DLC1: variants seen among roughly 807,000 people sequenced by gnomAD.
DLC1 encodes DLC1 Rho GTPase activating protein, also known as rho GTPase-activating protein 7.
Under a neutral mutation model 140.3 loss-of-function variants are expected in DLC1, and 54 were observed. The observed-to-expected ratio is 0.38, with a 90% CI of 0.31 to 0.48. The LOEUF is 0.48. DLC1 is among the 20% of genes least tolerant of loss of function. DLC1 has a pLI of 0.96. For missense variants in DLC1, 2,536 were observed against 1,907.0 expected, an observed-to-expected ratio of 1.33 and a Z score of -6.14; for synonymous variants, 986 against 728.1, an observed-to-expected ratio of 1.35 and a Z score of -5.70.
chr8:13,120,171 C>T (rs1176652701), intron 5 of DLC1, among the ~76,000 whole-genome samples: 6 of 150,602 alleles, frequency 4.0e-5, no homozygotes, highest in South Asian at 2.1e-4. Flanking sequence ...GGTGAAACCC[C>T]GTCCCTACTA....
chr8:13,225,904 C>T (rs976215135), intron 5 of DLC1, among the ~76,000 whole-genome samples: 33 of 152,150 alleles, frequency 2.2e-4, no homozygotes, highest in African/African-American at 7.5e-4. Context: ...CGTGAGCCAC[C>T]GCGCCTGGCC....
At chr8:13,594,772 T>C (rs1200587032) in intron 1 of DLC1, among the ~76,000 whole-genome samples, 1 of 152,050 alleles carries the variant, frequency 6.6e-6, no homozygotes, top group Non-Finnish European at 1.5e-5. Context: ...ATTTACAATA[T>C]GGAGATTGTT....
intron 12 of DLC1, 75 bp from the exon 13 acceptor site, chr8:13,092,900 A>G: frequency 6.7e-7 from 1 of 1,493,512 alleles, no homozygotes; most frequent in Non-Finnish European, 9.1e-7. Flanking sequence ...CCCAGAGCAA[A>G]TATCGGCATC....
intron 2 of DLC1, among the ~76,000 whole-genome samples, chr8:13,447,668 TA>T (rs1160543296): frequency 1.3e-5 from 2 of 152,238 alleles, no homozygotes; most frequent in Non-Finnish European, 2.9e-5. Flanking sequence ...AGCTTGGGTT[TA>T]CAAAGAGGGT....
At chr8:13,285,358 C>A (rs994621255) in intron 5 of DLC1, among the ~76,000 whole-genome samples, 3 of 151,982 alleles carry the variant, frequency 2.0e-5, no homozygotes, top group East Asian at 3.9e-4. Flanking sequence ...AAAAAAGAAA[C>A]CTTGAGCTTT....
intron 5 of DLC1, among the ~76,000 whole-genome samples, chr8:13,251,204 T>G (rs1033433081): frequency 2.6e-5 from 4 of 152,196 alleles, no homozygotes; most frequent in Admixed American, 6.5e-5. Context: ...CCTTATGACC[T>G]CATTTAACCT....
intron 1 of DLC1, among the ~76,000 whole-genome samples, chr8:13,555,199 A>T (rs1318223306): frequency 2.0e-5 from 3 of 152,226 alleles, no homozygotes; most frequent in Non-Finnish European, 4.4e-5. Flanking sequence ...TCAGAACTCC[A>T]TTGAACTCTC....
intron 1 of DLC1, among the ~76,000 whole-genome samples, chr8:13,548,440 G>C (rs560063515): frequency 3.9e-5 from 6 of 152,054 alleles, no homozygotes; most frequent in African/African-American, 1.4e-4. Flanking sequence ...AATTTGGAGA[G>C]ATATGCCATG....
At chr8:13,375,896 A>G (rs916165184) in intron 4 of DLC1, among the ~76,000 whole-genome samples, 1 of 152,186 alleles carries the variant, frequency 6.6e-6, no homozygotes, top group Non-Finnish European at 1.5e-5. Context: ...AAAAATGTAT[A>G]TCTCTCTATA....
At chr8:13,274,303 G>T (rs1351856848) in intron 5 of DLC1, among the ~76,000 whole-genome samples, 1 of 152,164 alleles carries the variant, frequency 6.6e-6, no homozygotes, top group East Asian at 1.9e-4. Flanking sequence ...CACCAAAAGT[G>T]TCCAGGTCCC....
intron 2 of DLC1, among the ~76,000 whole-genome samples, chr8:13,482,438 G>A (rs1045005964): frequency 6.6e-6 from 1 of 152,030 alleles, no homozygotes; most frequent in Non-Finnish European, 1.5e-5. Flanking sequence ...GATGAATAGA[G>A]CAATGCTGTC....
intron 1 of DLC1, among the ~76,000 whole-genome samples, chr8:13,545,570 G>A (rs76055716): frequency 2.0e-5 from 3 of 151,806 alleles, no homozygotes; most frequent in Non-Finnish European, 4.4e-5. Flanking sequence ...AATTGAATTC[G>A]TGGTGTTGTT....
intron 12 of DLC1, among the ~76,000 whole-genome samples, chr8:13,093,984 A>T (rs1035295942): frequency 1.3e-5 from 2 of 152,254 alleles, no homozygotes; most frequent in East Asian, 3.8e-4. Context: ...TTTCTGGCAG[A>T]GACTGAGATG....
intron 5 of DLC1, among the ~76,000 whole-genome samples, chr8:13,255,714 C>T (rs1184040240): frequency 6.6e-6 from 1 of 152,162 alleles, no homozygotes; most frequent in Non-Finnish European, 1.5e-5. Flanking sequence ...TTAACCCAAT[C>T]TCACCCCACC....
intron 4 of DLC1, 151 bp downstream of exon 4, chr8:13,393,402 G>C: frequency 1.2e-6 from 1 of 842,620 alleles, no homozygotes; most frequent in Non-Finnish European, 1.7e-6. Context: ...CATTTTTCTA[G>C]GGTTGTACTT....
At chr8:13,205,601 G>T (rs1827621484) in intron 5 of DLC1, among the ~76,000 whole-genome samples, 1 of 151,930 alleles carries the variant, frequency 6.6e-6, no homozygotes, top group South Asian at 2.1e-4. Context: ...ACTAATGATA[G>T]CTGATGAGCT....
chr8:13,378,985 A>G (rs1265479101), intron 4 of DLC1, among the ~76,000 whole-genome samples: 1 of 152,212 alleles, frequency 6.6e-6, no homozygotes, highest in Non-Finnish European at 1.5e-5. Flanking sequence ...TATTGAAATA[A>G]TTTTAAGTTT....
intron 5 of DLC1, among the ~76,000 whole-genome samples, chr8:13,132,005 G>A (rs917390118): frequency 6.6e-6 from 1 of 152,198 alleles, no homozygotes; most frequent in African/African-American, 2.4e-5. Flanking sequence ...GGTGGGGACA[G>A]CGACATGGAG....
intron 5 of DLC1, among the ~76,000 whole-genome samples, chr8:13,153,148 C>A (rs1197380014): frequency 6.6e-6 from 1 of 152,176 alleles, no homozygotes; most frequent in African/African-American, 2.4e-5. Context: ...TGTTACAGAT[C>A]TTAAAGATGG....
Sources: gnomAD v4.1 joint callset for allele counts (sites outside exome capture counted in the v4.1 genomes callset) on GRCh38, gnomAD v4.1.1 for gene constraint, MANE v1.5 for transcripts, NCBI Gene and HGNC (gene_info 2026-07-23, HGNC 2026-07-21) for gene names.